The following CDH13 variants were observed in gnomAD, a reference collection of about 807,000 sequenced individuals.
The protein encoded by CDH13 is cadherin-13.
Under a neutral mutation model 63.8 loss-of-function variants are expected in CDH13, and 24 were observed. The observed-to-expected ratio is 0.38, with a 90% confidence interval of 0.27 to 0.53. The LOEUF (loss-of-function observed/expected upper bound fraction) is 0.53. Among genes scored for constraint, CDH13 ranks in the 20% least tolerant of loss-of-function variants. CDH13 has a pLI of 0.85. For missense variants in CDH13, 1,049 were observed against 903.1 expected (o/e 1.16, Z -2.07); for synonymous variants, 503 against 355.3 (o/e 1.42, Z -4.67).
At chr16:82,872,689 C>T (rs1413641748) in intron 2 of CDH13, among the ~76,000 whole-genome samples, 3 of 152,112 alleles carry the variant, frequency 2.0e-5, no homozygotes, top group Non-Finnish European at 4.4e-5. Flanking sequence ...GCAAGAGGTA[C>T]AAATGCTTGC....
intron 4 of CDH13, among the ~76,000 whole-genome samples, chr16:83,152,630 G>A (rs139126806): frequency 6.6e-6 from 1 of 152,182 alleles, no homozygotes; most frequent in African/African-American, 2.4e-5. Context: ...CAGAGTAAAA[G>A]AGGAAACCTT....
chr16:83,651,406 A>G (rs949041689), intron 8 of CDH13, among the ~76,000 whole-genome samples: 1 of 152,086 alleles, frequency 6.6e-6, no homozygotes, highest in Admixed American at 6.6e-5. Context: ...TTTATAAATT[A>G]TTTAATCCAT....
intron 1 of CDH13, among the ~76,000 whole-genome samples, chr16:82,721,045 T>C (rs994670664): frequency 9.2e-5 from 14 of 152,194 alleles, no homozygotes; most frequent in Non-Finnish European, 1.6e-4. Context: ...ATTTTATACA[T>C]AATGGAAGTA....
At chr16:83,190,644 C>G (rs1032307934) in intron 4 of CDH13, among the ~76,000 whole-genome samples, 1 of 152,258 alleles carries the variant, frequency 6.6e-6, no homozygotes, top group African/African-American at 2.4e-5. Context: ...ACATGCCACC[C>G]TTTGATGCTA....
At chr16:83,758,029 C>G (rs1156626264) in intron 11 of CDH13, among the ~76,000 whole-genome samples, 1 of 144,598 alleles carries the variant, frequency 6.9e-6, no homozygotes, top group Non-Finnish European at 1.5e-5. Context: ...CACTCTGTCC[C>G]AAAAAAAAAG....
chr16:82,708,514 C>A (rs758519284), intron 1 of CDH13, among the ~76,000 whole-genome samples: 1 of 152,210 alleles, frequency 6.6e-6, no homozygotes, highest in Non-Finnish European at 1.5e-5. Context: ...TGTCTCTCCA[C>A]CAGCTTCCTC....
intron 2 of CDH13, among the ~76,000 whole-genome samples, chr16:83,005,920 C>G (rs117411422): frequency 0.019 from 2,912 of 152,308 alleles, 35 homozygotes; most frequent in Non-Finnish European, 0.028. Flanking sequence ...AGATTAAGCA[C>G]TGGTGTTTGG....
At chr16:82,787,358 T>C (rs1436303730) in intron 1 of CDH13, among the ~76,000 whole-genome samples, 3 of 152,338 alleles carry the variant, frequency 2.0e-5, no homozygotes, top group Non-Finnish European at 4.4e-5. Context: ...GCAGCACATA[T>C]GTCCTGGGGG....
chr16:83,549,054 A>G (rs2075442151), intron 7 of CDH13, among the ~76,000 whole-genome samples: 1 of 152,136 alleles, frequency 6.6e-6, no homozygotes, highest in Non-Finnish European at 1.5e-5. Flanking sequence ...GCTCTGACAG[A>G]TCAAGAGTGC....
At chr16:83,135,049 A>T (rs980569111) in intron 4 of CDH13, among the ~76,000 whole-genome samples, 1 of 152,228 alleles carries the variant, frequency 6.6e-6, no homozygotes, top group Non-Finnish European at 1.5e-5. Context: ...TTGAATTAGC[A>T]TCCAGACTCA....
intron 11 of CDH13, among the ~76,000 whole-genome samples, chr16:83,760,637 AAATT>A (rs1913889869): frequency 6.6e-6 from 1 of 152,264 alleles, no homozygotes; most frequent in South Asian, 2.1e-4. Context: ...AACCCAGGCG[AAATT>A]AATCCTAGCC....
rs568284848 is a variant in CDH13 at position 83,184,497 on chromosome 16, G to T, written c.484-32848G>T. 1.4e-4 allele frequency among the ~76,000 whole-genome samples: 21 copies of T among 152,228 alleles called. No individual in the cohort carries two copies. The South Asian group carries it at 4.4e-3, about 32-fold the overall frequency. On this transcript the variant is annotated intron_variant, in intron 4 of 13. Coordinates refer to ENST00000567109, the MANE Select transcript of CDH13 (RefSeq NM_001257.5). ...GGGCAGGGTGCGGTGGCTCACACCT[G>T]TAATCCCAGCACTTTGGGAGGCTGA...
At chr16:83,589,826 T>C (rs2150734595) in intron 7 of CDH13, among the ~76,000 whole-genome samples, 1 of 152,182 alleles carries the variant, frequency 6.6e-6, no homozygotes, top group African/African-American at 2.4e-5. Context: ...GGAGTGACTC[T>C]GGGAAGACAA....
intron 5 of CDH13, among the ~76,000 whole-genome samples, chr16:83,228,275 C>T (rs2039900968): frequency 6.6e-6 from 1 of 152,222 alleles, no homozygotes; most frequent in Non-Finnish European, 1.5e-5. Flanking sequence ...CCACATCCTG[C>T]TGTGCACAGG....
intron 3 of CDH13, among the ~76,000 whole-genome samples, chr16:83,106,535 C>A (rs1009011123): frequency 6.6e-6 from 1 of 152,144 alleles, no homozygotes; most frequent in African/African-American, 2.4e-5. Flanking sequence ...GGCGAGACTC[C>A]ACCTCAAACA....
rs138677319 is a variant in CDH13, at chr16:83,696,702, A to G, written c.1538+18241A>G. Among the ~76,000 whole-genome samples, 898 of 152,334 alleles carry G rather than the reference A, an allele frequency of 5.9e-3. 12 individuals carry two copies. The highest frequency in any genetic ancestry group is 0.019 in the African/African-American group (789 of 41,570). ...CAACTGGCCTTCATCTCCAAAATAT[A>G]TCTAGAATCTCCGCAGTTCTTGCAA... is the stretch of plus-strand genomic sequence containing the variant. On this transcript the variant is annotated intron_variant, in intron 10 of 13. Transcript: ENST00000567109.
At chr16:83,445,624 G>A (rs999533281) in intron 6 of CDH13, among the ~76,000 whole-genome samples, 1 of 152,160 alleles carries the variant, frequency 6.6e-6, no homozygotes, top group Admixed American at 6.5e-5. Context: ...CATTTTGTTA[G>A]CGATAAAGAC....
chr16:83,420,904 C>T (rs2071695461), intron 6 of CDH13, among the ~76,000 whole-genome samples: 1 of 152,186 alleles, frequency 6.6e-6, no homozygotes, highest in Admixed American at 6.5e-5. Context: ...CAGGAGGAAG[C>T]ATCTAGCAGG....
intron 5 of CDH13, among the ~76,000 whole-genome samples, chr16:83,245,101 C>G (rs932968275): frequency 1.4e-5 from 2 of 144,636 alleles, no homozygotes; most frequent in Admixed American, 6.8e-5. Context: ...TATGTTGGCT[C>G]TTTTCTGGAT....
Sources: gnomAD v4.1 joint callset for allele counts (sites outside exome capture counted in the v4.1 genomes callset) on GRCh38, gnomAD v4.1.1 for gene constraint, MANE v1.5 for transcripts, NCBI Gene and HGNC (gene_info 2026-07-23, HGNC 2026-07-21) for gene names.